Variants in SAMMSON observed in about 807,000 individuals in gnomAD.
The protein encoded by SAMMSON is survival associated mitochondrial melanoma specific oncogenic non-coding RNA.
chr3:70,377,622 GAA>G (rs749684585), intron 9 of SAMMSON, among the ~76,000 whole-genome samples: 8 of 152,008 alleles, frequency 5.3e-5, no homozygotes, highest in Non-Finnish European at 7.4e-5. Flanking sequence ...AGCCATAAAA[GAA>G]AAGAGAAATC....
chr3:70,018,532 C>G (rs1015956292), intron 3 of SAMMSON, among the ~76,000 whole-genome samples: 1 of 152,140 alleles, frequency 6.6e-6, no homozygotes, highest in Non-Finnish European at 1.5e-5. Context: ...AAAAAACCAG[C>G]TCCTGGATTC....
At chr3:70,183,267 CT>C (rs1403126173) in intron 4 of SAMMSON, 3 of 152,088 alleles carry the variant, frequency 2.0e-5, no homozygotes, top group Non-Finnish European at 4.4e-5. Flanking sequence ...TTATTTGATC[CT>C]TTTCAGTTTT....
intron 7 of SAMMSON, among the ~76,000 whole-genome samples, chr3:70,340,631 A>C (rs538919133): frequency 1.8e-4 from 28 of 152,214 alleles, no homozygotes; most frequent in African/African-American, 6.7e-4. Flanking sequence ...GCTCCCAGTA[A>C]AACCTCTGGA....
chr3:70,127,245 C>T (rs973464652), intron 4 of SAMMSON: 3 of 152,116 alleles, frequency 2.0e-5, no homozygotes, highest in Non-Finnish European at 4.4e-5. Flanking sequence ...AAAATGTTTA[C>T]ATCCATACTT....
At chr3:70,197,320 C>T (rs539568177) in intron 4 of SAMMSON, 9 of 396,788 alleles carry the variant, frequency 2.3e-5, no homozygotes, top group Non-Finnish European at 3.5e-5. Flanking sequence ...AATGTACACC[C>T]TTCTTCTCTC....
At chr3:70,328,149 G>A (rs112589876) in intron 7 of SAMMSON, among the ~76,000 whole-genome samples, 34 of 152,106 alleles carry the variant, frequency 2.2e-4, no homozygotes, top group Non-Finnish European at 4.1e-4. Flanking sequence ...AATAGCATGG[G>A]AAAGGTCTGC....
At chr3:70,247,555 G>T (rs991833817) in intron 4 of SAMMSON, among the ~76,000 whole-genome samples, 2 of 151,532 alleles carry the variant, frequency 1.3e-5, no homozygotes, top group African/African-American at 4.8e-5. Flanking sequence ...CCAATTTTTT[G>T]ATCACATATC....
intron 2 of SAMMSON, among the ~76,000 whole-genome samples, chr3:70,432,569 C>T (rs186666861): frequency 6.6e-6 from 1 of 152,038 alleles, no homozygotes; most frequent in African/African-American, 2.4e-5. Context: ...TGCCCCCCAC[C>T]TGCCACATCC....
chr3:70,357,988 A>T (rs572716092), intron 8 of SAMMSON, among the ~76,000 whole-genome samples: 1 of 152,208 alleles, frequency 6.6e-6, no homozygotes, highest in African/African-American at 2.4e-5. Flanking sequence ...TTCTCTTAAG[A>T]TTAAGTACCA....
intron 4 of SAMMSON, chr3:70,126,072 G>A (rs750976950): frequency 1.1e-5 from 13 of 1,165,728 alleles, no homozygotes; most frequent in Non-Finnish European, 1.6e-5. Flanking sequence ...CCTGTACATA[G>A]AACTTAGGCA....
intron 7 of SAMMSON, among the ~76,000 whole-genome samples, chr3:70,307,201 G>A (rs1256029886): frequency 1.3e-5 from 2 of 152,070 alleles, no homozygotes; most frequent in Non-Finnish European, 2.9e-5. Context: ...TTGTTTTGGT[G>A]GTGGTGTTGT....
At chr3:70,071,872 T>C (rs1321671219) in intron 4 of SAMMSON, 1 of 152,014 alleles carries the variant, frequency 6.6e-6, no homozygotes, top group African/African-American at 2.4e-5. Context: ...AAGCCCTCTG[T>C]AGTTAAAGAA....
At chr3:70,268,811 A>G (rs149522331) in intron 6 of SAMMSON, among the ~76,000 whole-genome samples, 14 of 152,216 alleles carry the variant, frequency 9.2e-5, no homozygotes, top group African/African-American at 3.1e-4. Context: ...TCCTTCATCT[A>G]CAAAACAAAC....
At chr3:70,336,986 A>G (rs2106725953) in intron 7 of SAMMSON, among the ~76,000 whole-genome samples, 1 of 146,674 alleles carries the variant, frequency 6.8e-6, no homozygotes, top group South Asian at 2.1e-4. Context: ...AGAAAATCAG[A>G]ATGATTTAAT....
intron 6 of SAMMSON, among the ~76,000 whole-genome samples, chr3:70,254,615 C>A (rs1406299515): frequency 1.3e-5 from 2 of 152,060 alleles, no homozygotes; most frequent in East Asian, 3.9e-4. Context: ...AAGTGGAAAA[C>A]AATTTTCCAC....
At chr3:70,019,377 C>A (rs1046610564) in intron 3 of SAMMSON, among the ~76,000 whole-genome samples, 1 of 152,088 alleles carries the variant, frequency 6.6e-6, no homozygotes, top group Non-Finnish European at 1.5e-5. Flanking sequence ...GGTTTAAAGT[C>A]TGTTTTATCA....
intron 3 of SAMMSON, among the ~76,000 whole-genome samples, chr3:70,048,264 A>G (rs2067134337): frequency 6.6e-6 from 1 of 152,100 alleles, no homozygotes; most frequent in Non-Finnish European, 1.5e-5. Context: ...TAAACAAATT[A>G]AGGTTCATAT....
intron 4 of SAMMSON, among the ~76,000 whole-genome samples, chr3:70,104,088 C>T (rs766654229): frequency 6.7e-6 from 1 of 150,312 alleles, no homozygotes; most frequent in Non-Finnish European, 1.5e-5. Flanking sequence ...CAATGGTGTT[C>T]AAGTCAGAAG....
chr3:70,411,386 G>T (rs1701216861), intron 2 of SAMMSON, among the ~76,000 whole-genome samples: 1 of 152,136 alleles, frequency 6.6e-6, no homozygotes, highest in South Asian at 2.1e-4. Flanking sequence ...TTTCAGTACA[G>T]AACTTTCATC....
Sources: gnomAD v4.1 joint callset for allele counts (sites outside exome capture counted in the v4.1 genomes callset) on GRCh38, gnomAD v4.1.1 for gene constraint, MANE v1.5 for transcripts, NCBI Gene and HGNC (gene_info 2026-07-23, HGNC 2026-07-21) for gene names.